COL19A1: variants seen among roughly 807,000 people sequenced by gnomAD.
COL19A1 encodes the protein collagen alpha-1(XIX) chain.
In COL19A1, 159 loss-of-function variants were observed where a neutral mutation model predicts 190.2. The observed-to-expected ratio is 0.84, with a 90% confidence interval of 0.73 to 0.95. The LOEUF (loss-of-function observed/expected upper bound fraction) is 0.95, where lower values mean the gene tolerates loss of function less well. Among genes scored for constraint, COL19A1 ranks in the 40% least tolerant of loss-of-function variants. The probability of loss-of-function intolerance (pLI) is 0.00; values close to 1 mark genes in which losing one functional copy is unlikely to be tolerated. For missense variants in COL19A1, 1,418 were observed against 1,431.9 expected (o/e 0.99, Z 0.16); for synonymous variants, 509 against 458.9 (o/e 1.11, Z -1.39).
chr6:70,043,827 G>A (rs976160643), intron 14 of COL19A1, among the ~76,000 whole-genome samples: 1 of 152,144 alleles, frequency 6.6e-6, no homozygotes, highest in Non-Finnish European at 1.5e-5. Context: ...TCAGAATGAG[G>A]ATTGGCTTTA....
At chr6:70,065,485 G>T (rs1781121838) in intron 14 of COL19A1, among the ~76,000 whole-genome samples, 1 of 152,100 alleles carries the variant, frequency 6.6e-6, no homozygotes, top group Non-Finnish European at 1.5e-5. Flanking sequence ...TTAAATGTTA[G>T]ACCTAAAACC....
intron 11 of COL19A1, among the ~76,000 whole-genome samples, chr6:69,999,901 TTAAG>T (rs1353672342): frequency 6.6e-6 from 1 of 152,184 alleles, no homozygotes. Context: ...TAAGTTTTAC[TTAAG>T]TTTCAGGATA....
chr6:69,983,036 AC>A (rs1776134650), intron 11 of COL19A1, among the ~76,000 whole-genome samples: 1 of 151,320 alleles, frequency 6.6e-6, no homozygotes. Flanking sequence ...AATAAAATCA[AC>A]ATGCCAATTT....
intron 15 of COL19A1, among the ~76,000 whole-genome samples, chr6:70,084,495 A>G (rs1562156405): frequency 1.3e-5 from 2 of 152,248 alleles, no homozygotes; most frequent in Non-Finnish European, 2.9e-5. Context: ...ACAATAGAAT[A>G]TACAAAATGG....
intron 3 of COL19A1, among the ~76,000 whole-genome samples, chr6:69,899,653 T>C (rs1325018759): frequency 6.6e-6 from 1 of 152,210 alleles, no homozygotes; most frequent in Non-Finnish European, 1.5e-5. Context: ...AAGACAAGAT[T>C]ACCATTTTGG....
At chr6:70,005,317 C>G (rs1777549049) in intron 11 of COL19A1, among the ~76,000 whole-genome samples, 1 of 152,038 alleles carries the variant, frequency 6.6e-6, no homozygotes, top group Non-Finnish European at 1.5e-5. Context: ...GGATGCTGAC[C>G]TTTGGATGGA....
At chr6:70,201,315 G>T (rs1371307834) in intron 49 of COL19A1, among the ~76,000 whole-genome samples, 1 of 152,158 alleles carries the variant, frequency 6.6e-6, no homozygotes, top group African/African-American at 2.4e-5. Context: ...TGCTGCGAAG[G>T]CCCATTTGGA....
chr6:70,141,460 T>C (rs1786244635), intron 20 of COL19A1, among the ~76,000 whole-genome samples: 1 of 152,086 alleles, frequency 6.6e-6, no homozygotes, highest in Non-Finnish European at 1.5e-5. Context: ...ATTTTTTTCA[T>C]TAAGCACATA....
At chr6:69,934,579 G>A (rs2150017875) in intron 7 of COL19A1, among the ~76,000 whole-genome samples, 1 of 152,008 alleles carries the variant, frequency 6.6e-6, no homozygotes, top group South Asian at 2.1e-4. Flanking sequence ...GGGTGGAATG[G>A]TTGGTAATTC....
intron 16 of COL19A1, among the ~76,000 whole-genome samples, chr6:70,103,414 G>A (rs1783755207): frequency 6.6e-6 from 1 of 152,046 alleles, no homozygotes; most frequent in Non-Finnish European, 1.5e-5. Context: ...AGGTGGGCTT[G>A]GATGGCTTAA....
chr6:70,050,454 A>G (rs1418596822), intron 14 of COL19A1, among the ~76,000 whole-genome samples: 1 of 152,066 alleles, frequency 6.6e-6, no homozygotes, highest in Non-Finnish European at 1.5e-5. Flanking sequence ...GAGAATAAGA[A>G]CCTTGTCTAT....
intron 49 of COL19A1, chr6:70,200,001 T>G: frequency 3.2e-6 from 1 of 308,040 alleles, no homozygotes; most frequent in South Asian, 3.2e-5. Flanking sequence ...AAAAATAATA[T>G]TTATTATAAC....
chr6:69,894,480 A>C (rs752017145), intron 2 of COL19A1, among the ~76,000 whole-genome samples: 1 of 152,240 alleles, frequency 6.6e-6, no homozygotes, highest in Non-Finnish European at 1.5e-5. Context: ...TCAAAGATTA[A>C]AGTCATGTGA....
chr6:69,970,480 T>C (rs2150054382), intron 11 of COL19A1, among the ~76,000 whole-genome samples: 1 of 152,292 alleles, frequency 6.6e-6, no homozygotes, highest in South Asian at 2.1e-4. Context: ...TAACTTTATC[T>C]AAACTAAAAC....
chr6:70,148,710 T>C (rs1344720011), intron 27 of COL19A1, among the ~76,000 whole-genome samples: 1 of 152,202 alleles, frequency 6.6e-6, no homozygotes, highest in East Asian at 1.9e-4. Flanking sequence ...GTGGATCACT[T>C]GAGGTCAGGA....
intron 14 of COL19A1, among the ~76,000 whole-genome samples, chr6:70,061,930 T>C (rs890525462): frequency 2.6e-5 from 4 of 152,170 alleles, no homozygotes; most frequent in African/African-American, 7.2e-5. Context: ...TTATAAACAC[T>C]AGGAATTTGC....
intron 18 of COL19A1, among the ~76,000 whole-genome samples, chr6:70,131,977 C>T (rs990719098): frequency 6.6e-6 from 1 of 152,080 alleles, no homozygotes; most frequent in Non-Finnish European, 1.5e-5. Context: ...ATAACTGTTC[C>T]CTCCTCTCAC....
intron 11 of COL19A1, among the ~76,000 whole-genome samples, chr6:70,017,258 A>C (rs1416233266): frequency 6.6e-6 from 1 of 152,152 alleles, no homozygotes; most frequent in Non-Finnish European, 1.5e-5. Flanking sequence ...TTCTATTTAT[A>C]TGAAATTTCT....
At chr6:70,061,856 C>G (rs1204032367) in intron 14 of COL19A1, among the ~76,000 whole-genome samples, 2 of 152,094 alleles carry the variant, frequency 1.3e-5, no homozygotes, top group Admixed American at 1.3e-4. Context: ...AAAAATGACA[C>G]AACCTCCCTG....
Sources: gnomAD v4.1 joint callset for allele counts (sites outside exome capture counted in the v4.1 genomes callset) on GRCh38, gnomAD v4.1.1 for gene constraint, MANE v1.5 for transcripts, NCBI Gene and HGNC (gene_info 2026-07-23, HGNC 2026-07-21) for gene names.